The following YES1 variants were observed in gnomAD, a reference collection of about 807,000 sequenced individuals.
YES1 encodes the protein tyrosine-protein kinase Yes.
In YES1, 39 loss-of-function variants were observed where a neutral mutation model predicts 70.4. The observed-to-expected ratio is 0.55, with a 90% CI of 0.43 to 0.72. YES1 has a LOEUF of 0.72. Ranked by LOEUF, YES1 falls within the 30% of genes least tolerant of loss-of-function variation. The pLI, the probability that YES1 is intolerant of heterozygous loss-of-function variation, is 0.00. For missense variants in YES1, 495 were observed against 644.8 expected (o/e 0.77, Z 2.52); for synonymous variants, 198 against 218.6 (o/e 0.91, Z 0.83).
At chr18:743,639 GTCTCACGTCTGTAA>G (rs1477160881) in intron 6 of YES1, among the ~76,000 whole-genome samples, 1 of 152,136 alleles carries the variant, frequency 6.6e-6, no homozygotes, top group Non-Finnish European at 1.5e-5. Flanking sequence ...CGGGCAAGGT[GTCTCACGTCTGTAA>G]TCCCAGCACT....
At chr18:725,661 G>A (rs1346987184) in intron 11 of YES1, among the ~76,000 whole-genome samples, 2 of 152,124 alleles carry the variant, frequency 1.3e-5, no homozygotes, top group Non-Finnish European at 2.9e-5. Flanking sequence ...GGCCAAGGCG[G>A]GTGATCATCT....
At chr18:747,094 C>A (rs2080289359) in intron 4 of YES1, among the ~76,000 whole-genome samples, 1 of 152,156 alleles carries the variant, frequency 6.6e-6, no homozygotes, top group Non-Finnish European at 1.5e-5. Context: ...AAGTAATATT[C>A]TTTCATGGGC....
Position 781,764 on chromosome 18 carries a change from C to CTT in YES1, c.-8-24931_-8-24930dup, listed in dbSNP as rs546738253. ...TTTATCTTTCCTAAGACTGAATTTC[C>CTT]TTTTTTTTTTGGAGGAATAATACCT... is the stretch of plus-strand genomic sequence containing the variant. On this transcript the variant is annotated intron_variant, in intron 1 of 11. Transcript: ENST00000314574. Among the ~76,000 whole-genome samples, 22 of 147,490 alleles carry CTT rather than the reference C, an allele frequency of 1.5e-4. 1 individual carries two copies. The highest frequency in any genetic ancestry group is 1.1e-3 in the South Asian group (5 of 4,628).
chr18:745,695 A>T lies in YES1; in HGVS notation c.724+13T>A, dbSNP rs2080271525. On this transcript the variant is annotated intron_variant, in intron 6 of 11. Coordinates refer to ENST00000314574, the MANE Select transcript of YES1 (RefSeq NM_005433.4). ...ATGAAGAAATAATTTTTACCTTTGA[A>T]ATATTCACATACCTGTGTAGTGTTT... 6.3e-7 allele frequency: 1 copy of T among 1,584,236 alleles called. No homozygotes were observed. Among genetic ancestry groups the T allele is most frequent in the African/African-American group, 1.4e-5 (1 of 73,234 alleles).
At chr18:795,912 A>AACACACAC (rs72204539) in intron 1 of YES1, among the ~76,000 whole-genome samples, 5,347 of 144,624 alleles carry the variant, frequency 0.037, 124 homozygotes, top group East Asian at 0.1. Flanking sequence ...CCAGAACTTA[A>AACACACAC]ACACACACAC....
At chr18:812,329 C>G (rs976768656), upstream of YES1, 5 of 4,782 alleles carry the variant, frequency 1.0e-3, no homozygotes, top group African/African-American at 6.5e-3. Flanking sequence ...CCTCCTCCGC[C>G]CCCCCCCCCC....
At chr18:768,436 TAC>T (rs1247355863) in intron 1 of YES1, among the ~76,000 whole-genome samples, 1 of 152,196 alleles carries the variant, frequency 6.6e-6, no homozygotes, top group African/African-American at 2.4e-5. Flanking sequence ...TTTGGGCATT[TAC>T]AGACTTTTCC....
chr18:743,726 T>G (rs2145708342), intron 6 of YES1, among the ~76,000 whole-genome samples: 1 of 151,946 alleles, frequency 6.6e-6, no homozygotes, highest in East Asian at 1.9e-4. Flanking sequence ...GCCAATACAG[T>G]GAAACACTGT....
At chr18:810,978 G>A (rs556460522) in intron 1 of YES1, among the ~76,000 whole-genome samples, 4 of 152,124 alleles carry the variant, frequency 2.6e-5, no homozygotes, top group African/African-American at 9.6e-5. Flanking sequence ...GATTTACCAT[G>A]CACTTTTCCT....
intron 1 of YES1, among the ~76,000 whole-genome samples, chr18:798,444 T>TA (rs1406045855): frequency 1.3e-5 from 2 of 152,118 alleles, no homozygotes; most frequent in Non-Finnish European, 2.9e-5. Flanking sequence ...CCTTCTGACT[T>TA]ACAGTGCATG....
At chr18:782,035 T>C (rs935040752) in intron 1 of YES1, among the ~76,000 whole-genome samples, 7 of 152,138 alleles carry the variant, frequency 4.6e-5, no homozygotes, top group African/African-American at 1.7e-4. Flanking sequence ...TCTTCTCTGT[T>C]TCTCCTGGTC....
In YES1 at chr18:736,795, A is replaced by G; in HGVS notation, c.1291+13T>C. ...ACAACACATTACAAGCTTTTATGTAAAAGTAATTTTACCTTGTCTTGCTGT... is the reference window on the plus strand; with the variant it reads ...ACAACACATTACAAGCTTTTATGTAGAAGTAATTTTACCTTGTCTTGCTGT... On this transcript the variant is annotated intron_variant, in intron 10 of 11. Transcript: ENST00000314574. 1.9e-6 allele frequency: 3 copies of G among 1,608,054 alleles called. No individual in the cohort carries two copies. Among genetic ancestry groups the G allele is most frequent in the Middle Eastern group, 2.2e-4 (1 of 4,460 alleles).
At chr18:735,132 G>A (rs1489629418) in intron 10 of YES1, among the ~76,000 whole-genome samples, 1 of 134,764 alleles carries the variant, frequency 7.4e-6, no homozygotes, top group Non-Finnish European at 1.5e-5. Context: ...ACTCCAGCCT[G>A]GGCAACAGAT....
intron 10 of YES1, among the ~76,000 whole-genome samples, chr18:735,190 G>C (rs941978216): frequency 2.2e-5 from 3 of 133,514 alleles, no homozygotes; most frequent in African/African-American, 8.3e-5. Context: ...ATATGAAAAA[G>C]ATACATCCAC....
chr18:786,200 G>T (rs1250001785), intron 1 of YES1, among the ~76,000 whole-genome samples: 1 of 139,860 alleles, frequency 7.2e-6, no homozygotes, highest in Non-Finnish European at 1.5e-5. Flanking sequence ...AATTTGGCAG[G>T]AAGCTGGTCT....
chr18:723,760 AT>A lies in YES1; in HGVS notation c.*663del, dbSNP rs1485820697. 1.3e-5 allele frequency: 2 copies of A among 152,674 alleles called. No homozygotes were observed. The allele number at this position is 152,674 out of a possible 1,614,324, so 9.5% of individuals were successfully genotyped here. On this transcript the variant is annotated 3_prime_UTR_variant, in exon 12 of 12. Transcript: ENST00000314574. ...AAAGGACTGAAGTGAAAAAGTTCTT[AT>A]TCTTTCAGTTCCATGAACATGAATA...
At chr18:805,256 T>A (rs1483965115) in intron 1 of YES1, among the ~76,000 whole-genome samples, 1 of 152,188 alleles carries the variant, frequency 6.6e-6, no homozygotes, top group Non-Finnish European at 1.5e-5. Context: ...GCTACAAACC[T>A]GTACAGCACA....
intron 1 of YES1, among the ~76,000 whole-genome samples, chr18:803,487 A>G (rs1264045623): frequency 6.6e-6 from 1 of 152,174 alleles, no homozygotes; most frequent in Non-Finnish European, 1.5e-5. Context: ...ACCCTTTTCT[A>G]CTATTTTTGT....
chr18:744,223 T>C (rs188725167), intron 6 of YES1, among the ~76,000 whole-genome samples: 1 of 152,066 alleles, frequency 6.6e-6, no homozygotes, highest in East Asian at 1.9e-4. Flanking sequence ...AGAGATGGGA[T>C]TCAAATCTAG....
Sources: gnomAD v4.1 joint callset for allele counts (sites outside exome capture counted in the v4.1 genomes callset) on GRCh38, gnomAD v4.1.1 for gene constraint, MANE v1.5 for transcripts, NCBI Gene and HGNC (gene_info 2026-07-23, HGNC 2026-07-21) for gene names.